Variants in DPF3 observed in about 807,000 individuals in gnomAD.
DPF3 encodes the protein zinc finger protein DPF3.
A neutral mutation model predicts 56.8 loss-of-function variants in DPF3; 18 were observed. That is an observed-to-expected ratio of 0.32 (90% CI 0.22 to 0.47). DPF3 has a LOEUF of 0.47. DPF3 is among the 20% of genes least tolerant of loss of function. The probability of loss-of-function intolerance (pLI) is 1.00; values close to 1 mark genes in which losing one functional copy is unlikely to be tolerated. For missense variants in DPF3, 403 were observed against 488.8 expected (o/e 0.82, Z 1.65); for synonymous variants, 188 against 180.2 (o/e 1.04, Z -0.35).
At chr14:72,753,237 C>T in intron 3 of DPF3, 27 bp downstream of exon 3, 3 of 1,607,624 alleles carry the variant, frequency 1.9e-6, no homozygotes, top group South Asian at 1.1e-5. Context: ...CCATCACAGA[C>T]CCAGCCAAGC....
At chr14:72,756,898 A>AAAGAAAAAG (rs1555504003) in intron 2 of DPF3, among the ~76,000 whole-genome samples, 2 of 42,822 alleles carry the variant, frequency 4.7e-5, no homozygotes, top group African/African-American at 1.4e-4. Flanking sequence ...AGAAAGAAAG[A>AAAGAAAAAG]AAAGAAAAAA....
At chr14:72,687,298 A>G (rs1887455379) in intron 7 of DPF3, among the ~76,000 whole-genome samples, 1 of 152,174 alleles carries the variant, frequency 6.6e-6, no homozygotes. Context: ...CTGGAAATAC[A>G]TTTTATAGAC....
chr14:72,622,302 G>A (rs750805293), intron 9 of DPF3, among the ~76,000 whole-genome samples: 5 of 152,088 alleles, frequency 3.3e-5, no homozygotes, highest in Non-Finnish European at 5.9e-5. Flanking sequence ...AGGACAGGCA[G>A]AGAAAAAAAG....
intron 1 of DPF3, among the ~76,000 whole-genome samples, chr14:72,773,187 CA>C (rs1159925465): frequency 1.4e-5 from 2 of 146,404 alleles, no homozygotes; most frequent in Non-Finnish European, 3.0e-5. Context: ...GGCTGGAGTG[CA>C]ACGGTGCGAT....
chr14:72,884,971 T>TATATATACATATATATATATATA (rs10523148), intron 1 of DPF3, among the ~76,000 whole-genome samples: 9 of 111,690 alleles, frequency 8.1e-5, no homozygotes, highest in Admixed American at 2.9e-4. Flanking sequence ...TATATATATA[T>TATATATACATATATATATATATA]TAGCCGGGCG....
rs375768815 is a variant in DPF3 at position 72,718,771 on chromosome 14, A to T, written c.526-4270T>A. On this transcript the variant is annotated intron_variant, in intron 5 of 10. Coordinates refer to ENST00000556509, the MANE Select transcript of DPF3 (RefSeq NM_001280542.3). ...AGAACCACTGCTCTACACCCTTGCTATTTTTTTTTTTTTTGAGACGGAGTC... is the reference window on the plus strand; with the variant it reads ...AGAACCACTGCTCTACACCCTTGCTTTTTTTTTTTTTTTTGAGACGGAGTC... Among the ~76,000 whole-genome samples, 394 of 93,758 alleles carry T rather than the reference A, an allele frequency of 4.2e-3. 2 individuals are homozygous for T. Among genetic ancestry groups the T allele is most frequent in the Middle Eastern group, 0.011 (1 of 90 alleles). The allele number at this position is 93,758 out of a possible 152,430, so 61.5% of individuals were successfully genotyped here.
intron 8 of DPF3, among the ~76,000 whole-genome samples, chr14:72,648,451 C>T (rs1200024468): frequency 6.6e-6 from 1 of 151,562 alleles, no homozygotes; most frequent in Non-Finnish European, 1.5e-5. Flanking sequence ...ATCCCAGCTA[C>T]TCGGGAGGCT....
At chr14:72,642,539 T>A (rs1885594621) in intron 8 of DPF3, among the ~76,000 whole-genome samples, 1 of 152,242 alleles carries the variant, frequency 6.6e-6, no homozygotes, top group Non-Finnish European at 1.5e-5. Context: ...ACAAAGATAA[T>A]TTCAGTGGCA....
chr14:72,686,938 C>T lies in DPF3; in HGVS notation c.742+6138G>A, dbSNP rs529751488. On this transcript the variant is annotated intron_variant, in intron 7 of 10. Transcript: ENST00000556509. ...ATCTCTTAAAGCTTTTGGCCGCCCT[C>T]AAGCCATATGTTAGAGGACAAGAGA... 2.6e-5 allele frequency among the ~76,000 whole-genome samples: 4 copies of T among 152,326 alleles called. No individual in the cohort carries two copies. In the South Asian group the frequency reaches 8.3e-4, roughly 32 times the overall value.
chr14:72,613,678 A>C lies in DPF3; in HGVS notation c.*5619T>G, dbSNP rs1883897327. ...TGTTCCCAGGAACCCACTCACTTCC[A>C]AATCTTTCCCCTCATGCAGGGAGTT... On this transcript the variant is annotated 3_prime_UTR_variant, in exon 11 of 11. Coordinates refer to ENST00000556509, the MANE Select transcript of DPF3 (RefSeq NM_001280542.3). Among the ~76,000 whole-genome samples, 1 of 152,132 alleles carries C rather than the reference A, an allele frequency of 6.6e-6. No homozygotes were observed.
intron 1 of DPF3, among the ~76,000 whole-genome samples, chr14:72,812,627 G>A (rs564838364): frequency 6.6e-6 from 1 of 152,250 alleles, no homozygotes; most frequent in African/African-American, 2.4e-5. Flanking sequence ...AGAGTACGCT[G>A]GGCCCGGTGG....
intron 1 of DPF3, among the ~76,000 whole-genome samples, chr14:72,826,247 C>A (rs1883795108): frequency 6.6e-6 from 1 of 152,194 alleles, no homozygotes; most frequent in African/African-American, 2.4e-5. Flanking sequence ...ATCAAAGCAG[C>A]TGACTGCTGT....
intron 2 of DPF3, among the ~76,000 whole-genome samples, chr14:72,753,838 A>C (rs947185037): frequency 2.6e-5 from 4 of 151,884 alleles, no homozygotes; most frequent in African/African-American, 9.7e-5. Flanking sequence ...AACCAAAAAC[A>C]CTAGATCTAC....
intron 6 of DPF3, among the ~76,000 whole-genome samples, chr14:72,694,554 G>A (rs1887830958): frequency 6.6e-6 from 1 of 152,180 alleles, no homozygotes; most frequent in African/African-American, 2.4e-5. Context: ...TATTACTTCT[G>A]ATAGAGTTTC....
intron 1 of DPF3, among the ~76,000 whole-genome samples, chr14:72,839,499 C>T (rs975445483): frequency 3.3e-5 from 5 of 152,204 alleles, no homozygotes; most frequent in African/African-American, 1.2e-4. Flanking sequence ...GTGAGATCCA[C>T]GTGAAAGACC....
chr14:72,619,961 G>A lies in DPF3; in HGVS notation c.1008C>T (p.Asp336=). 5.2e-6 allele frequency: 8 copies of A among 1,535,254 alleles called. No homozygotes were observed. The highest frequency in any genetic ancestry group is 7.0e-6 in the Non-Finnish European group (8 of 1,146,386). Residue 336 remains aspartate (D), a synonymous_variant, in exon 10 of 11, where the codon GAC becomes GAT. Coordinates refer to ENST00000556509, the MANE Select transcript of DPF3 (RefSeq NM_001280542.3). ...ENDDQLLFCD[D]CDRGYHMYCL... ...AGTACATGTGATAGCCTCGGTCACA[G>A]TCATCGCAGAAGAGTAGCTGGTCCT...
intron 7 of DPF3, among the ~76,000 whole-genome samples, chr14:72,682,269 A>G (rs538754774): frequency 1.3e-3 from 193 of 151,496 alleles, no homozygotes; most frequent in Non-Finnish European, 2.1e-3. Context: ...CATGACACTG[A>G]GATGAATATC....
intron 1 of DPF3, among the ~76,000 whole-genome samples, chr14:72,876,155 G>T (rs983308849): frequency 2.0e-5 from 3 of 152,250 alleles, no homozygotes; most frequent in Admixed American, 6.5e-5. Flanking sequence ...CCACAAGTCT[G>T]CCCAGCGTTG....
intron 1 of DPF3, among the ~76,000 whole-genome samples, chr14:72,819,198 A>G (rs1400207295): frequency 6.6e-6 from 1 of 152,234 alleles, no homozygotes; most frequent in Non-Finnish European, 1.5e-5. Flanking sequence ...TGGTAATGTC[A>G]CCTGCTGGTG....
Sources: allele counts gnomAD v4.1 joint callset (sites outside exome capture counted in the v4.1 genomes callset), GRCh38; gene constraint gnomAD v4.1.1; transcripts MANE v1.5; gene names NCBI Gene and HGNC (gene_info 2026-07-23, HGNC 2026-07-21).